TPRG1: variants seen among roughly 807,000 people sequenced by gnomAD.
TPRG1 encodes tumor protein p63 regulated 1.
A neutral mutation model predicts 29.3 loss-of-function variants in TPRG1; 29 were observed. The ratio of observed to expected loss-of-function variants is 0.99; its 90% confidence interval spans 0.74 to 1.35. The LOEUF is 1.35. Among genes scored for constraint, TPRG1 ranks in the 40% most tolerant of loss-of-function variants. TPRG1 has a pLI of 0.00. For missense variants in TPRG1, 327 were observed against 335.0 expected (o/e 0.98, Z 0.19); for synonymous variants, 130 against 116.8 (o/e 1.11, Z -0.73).
chr3:189,023,564 G>A (rs1290685926), intron 3 of TPRG1, among the ~76,000 whole-genome samples: 1 of 152,194 alleles, frequency 6.6e-6, no homozygotes, highest in African/African-American at 2.4e-5. Context: ...CAGTCATTTG[G>A]AGGAAAGGGG....
chr3:189,117,565 C>G (rs1721326841), intron 1 of TPRG1, among the ~76,000 whole-genome samples: 1 of 152,196 alleles, frequency 6.6e-6, no homozygotes, highest in African/African-American at 2.4e-5. Flanking sequence ...TCACCCAAAT[C>G]TCATCTTGAG....
At chr3:189,116,900 C>T (rs1410889117) in intron 1 of TPRG1, among the ~76,000 whole-genome samples, 6 of 151,890 alleles carry the variant, frequency 4.0e-5, no homozygotes, top group Admixed American at 2.6e-4. Context: ...GAAGTGTACA[C>T]CTAAAAGTGG....
chr3:189,041,193 T>G (rs1292951199), intron 4 of TPRG1, among the ~76,000 whole-genome samples: 1 of 152,176 alleles, frequency 6.6e-6, no homozygotes, highest in East Asian at 1.9e-4. Context: ...GCTTCCTTCT[T>G]GCTAAGTTGG....
intron 1 of TPRG1, among the ~76,000 whole-genome samples, chr3:189,126,623 AT>A (rs1722527720): frequency 6.6e-6 from 1 of 152,174 alleles, no homozygotes. Flanking sequence ...TCTGAATTCC[AT>A]TTCCATTATT....
intron 1 of TPRG1, among the ~76,000 whole-genome samples, chr3:189,117,727 C>T (rs1721348665): frequency 6.6e-6 from 1 of 152,216 alleles, no homozygotes; most frequent in Non-Finnish European, 1.5e-5. Flanking sequence ...CCTCGTTGTA[C>T]TCATTCCATC....
chr3:189,024,799 G>T (rs138900016), intron 4 of TPRG1, among the ~76,000 whole-genome samples: 8 of 152,358 alleles, frequency 5.3e-5, no homozygotes, highest in African/African-American at 1.9e-4. Context: ...TAAGGAAGCA[G>T]TCTGGCCACA....
intron 4 of TPRG1, among the ~76,000 whole-genome samples, chr3:189,067,887 CG>C (rs1316139623): frequency 1.4e-4 from 21 of 152,178 alleles, no homozygotes; most frequent in Non-Finnish European, 2.6e-4. Flanking sequence ...AGACAACCCA[CG>C]GAACAGGAGA....
intron 5 of TPRG1, among the ~76,000 whole-genome samples, chr3:189,312,177 CTTTCTTTTTT>C (rs1560689622): frequency 8.5e-4 from 46 of 54,026 alleles, no homozygotes; most frequent in Admixed American, 1.1e-3. Context: ...TTCTTTCTTT[CTTTCTTTTTT>C]TCTTTCTTTC....
At chr3:189,294,803 T>TAC (rs10544733) in intron 4 of TPRG1, among the ~76,000 whole-genome samples, 34,253 of 150,022 alleles carry the variant, frequency 0.23, 4,390 homozygotes, top group African/African-American at 0.35. Flanking sequence ...CCCTTACAGT[T>TAC]ACACACACAC....
At chr3:189,183,097 G>C (rs549838620) in intron 1 of TPRG1, among the ~76,000 whole-genome samples, 1 of 152,238 alleles carries the variant, frequency 6.6e-6, no homozygotes, top group Non-Finnish European at 1.5e-5. Context: ...AGTCACGTAG[G>C]TTCTTTTCCA....
chr3:189,191,620 G>T (rs2108742963), intron 1 of TPRG1, among the ~76,000 whole-genome samples: 1 of 152,066 alleles, frequency 6.6e-6, no homozygotes, highest in African/African-American at 2.4e-5. Flanking sequence ...TCTCAGATTT[G>T]GTGTCTTGTT....
intron 1 of TPRG1, among the ~76,000 whole-genome samples, chr3:189,183,188 G>A (rs982611722): frequency 6.6e-6 from 1 of 152,074 alleles, no homozygotes; most frequent in Non-Finnish European, 1.5e-5. Context: ...GCGTCCGGGG[G>A]AGACATCACA....
chr3:189,295,735 A>G (rs1041449968), intron 4 of TPRG1, among the ~76,000 whole-genome samples: 13 of 152,136 alleles, frequency 8.5e-5, no homozygotes, highest in African/African-American at 2.4e-4. Flanking sequence ...TTTACTAGAC[A>G]TAATGCAGGA....
chr3:189,215,727 T>C (rs1735969702), intron 3 of TPRG1, among the ~76,000 whole-genome samples: 1 of 152,156 alleles, frequency 6.6e-6, no homozygotes, highest in Non-Finnish European at 1.5e-5. Flanking sequence ...CACATTGAAC[T>C]ACTAATCATC....
chr3:189,082,814 A>C (rs889149162), intron 4 of TPRG1, among the ~76,000 whole-genome samples: 2 of 152,212 alleles, frequency 1.3e-5, no homozygotes, highest in African/African-American at 4.8e-5. Flanking sequence ...GCATAGCGGA[A>C]TATTTGACTG....
chr3:189,113,372 T>C (rs1720778988), intron 1 of TPRG1, among the ~76,000 whole-genome samples: 6 of 152,184 alleles, frequency 3.9e-5, no homozygotes, highest in Admixed American at 2.6e-4. Flanking sequence ...CTTTATTTCC[T>C]TCTCCTGCCT....
In TPRG1 at chr3:189,215,348, T is replaced by C. The variant is rs767070518; in HGVS notation, c.267T>C (p.Ser89=). 5.0e-6 allele frequency: 8 copies of C among 1,612,500 alleles called. No homozygotes were observed. In the East Asian group the frequency reaches 1.3e-4, roughly 27 times the overall value. ...EDLKGHVAET[S]GETIQGFWLL... ...TGAAAGGTCACGTAGCTGAGACTTC[T>C]GGAGAGACCATTCAAGGCTTCTGGC... The change falls in exon 3 of 6, where the codon TCT becomes TCC. Residue 89 remains serine, a synonymous_variant. Coordinates refer to ENST00000345063, the MANE Select transcript of TPRG1 (RefSeq NM_198485.4).
At chr3:189,138,272 G>A (rs915342768) in intron 3 of TPRG1, among the ~76,000 whole-genome samples, 1 of 152,312 alleles carries the variant, frequency 6.6e-6, no homozygotes, top group Admixed American at 6.5e-5. Flanking sequence ...AAAGAGCATG[G>A]TGTTTTCAGG....
At chr3:189,286,622 T>C (rs1007569043) in intron 4 of TPRG1, among the ~76,000 whole-genome samples, 2 of 152,112 alleles carry the variant, frequency 1.3e-5, no homozygotes, top group Non-Finnish European at 2.9e-5. Flanking sequence ...GATTTGAGAA[T>C]TGGGACTGGG....
Sources: allele counts gnomAD v4.1 joint callset (sites outside exome capture counted in the v4.1 genomes callset), GRCh38; gene constraint gnomAD v4.1.1; transcripts MANE v1.5; gene names NCBI Gene and HGNC (gene_info 2026-07-23, HGNC 2026-07-21).